The following PHTF2 variants were observed in gnomAD, a reference collection of about 807,000 sequenced individuals.
PHTF2 encodes putative homeodomain transcription factor 2.
A neutral mutation model predicts 101.2 loss-of-function variants in PHTF2; 60 were observed. The ratio of observed to expected loss-of-function variants is 0.59; its 90% confidence interval spans 0.48 to 0.73. The LOEUF is 0.73. Ranked by LOEUF, PHTF2 falls within the 30% of genes least tolerant of loss-of-function variation. The probability of loss-of-function intolerance (pLI) is 0.00; values close to 1 mark genes in which losing one functional copy is unlikely to be tolerated. For synonymous variants in PHTF2, 311 were observed against 307.3 expected, an observed-to-expected ratio of 1.01 and a Z score of -0.13; for missense variants, 747 against 908.7, an observed-to-expected ratio of 0.82 and a Z score of 2.29.
chr7:77,936,676 A>T (rs1312525002), intron 12 of PHTF2, among the ~76,000 whole-genome samples: 1 of 144,430 alleles, frequency 6.9e-6, no homozygotes, highest in Non-Finnish European at 1.5e-5. Flanking sequence ...TCCGTCTCAA[A>T]AAACAAAATG....
At chr7:77,882,442 C>T (rs1269791628) in intron 3 of PHTF2, among the ~76,000 whole-genome samples, 6 of 151,720 alleles carry the variant, frequency 4.0e-5, no homozygotes, top group South Asian at 2.1e-4. Context: ...AATTATATTC[C>T]GATAATGATT....
chr7:77,825,415 G>C (rs1211830662), intron 1 of PHTF2, among the ~76,000 whole-genome samples: 2 of 152,176 alleles, frequency 1.3e-5, no homozygotes, highest in Admixed American at 1.3e-4. Flanking sequence ...AAATCCTTGA[G>C]AAGACCCTAC....
intron 3 of PHTF2, among the ~76,000 whole-genome samples, chr7:77,881,394 T>C (rs956885995): frequency 5.9e-5 from 9 of 152,180 alleles, no homozygotes; most frequent in African/African-American, 2.2e-4. Flanking sequence ...CCTTAGGTGA[T>C]CAAATTGACC....
intron 2 of PHTF2, among the ~76,000 whole-genome samples, chr7:77,853,189 AAGTC>A (rs1438350153): frequency 6.6e-6 from 1 of 151,844 alleles, no homozygotes; most frequent in Non-Finnish European, 1.5e-5. Context: ...CTCCTTTTTA[AAGTC>A]AGTAACTCTT....
chr7:77,950,231 T>C (rs1475510865), intron 17 of PHTF2, among the ~76,000 whole-genome samples: 1 of 152,226 alleles, frequency 6.6e-6, no homozygotes, highest in Non-Finnish European at 1.5e-5. Flanking sequence ...CTCCCGCCAC[T>C]TTATAGGAAT....
chr7:77,937,796 A>C (rs1805278756), exon 13 of PHTF2: 2 of 1,552,098 alleles, frequency 1.3e-6, no homozygotes, highest in African/African-American at 1.4e-5. Flanking sequence ...GTAAGAAAGC[A>C]GACATGTCTG....
At chr7:77,805,439 C>T (rs979354742) in intron 1 of PHTF2, among the ~76,000 whole-genome samples, 1 of 152,092 alleles carries the variant, frequency 6.6e-6, no homozygotes, top group Non-Finnish European at 1.5e-5. Context: ...TTTGTTTCTA[C>T]TGTTTATTTT....
At chr7:77,920,830 C>A (rs1476780757) in intron 10 of PHTF2, among the ~76,000 whole-genome samples, 1 of 152,008 alleles carries the variant, frequency 6.6e-6, no homozygotes, top group African/African-American at 2.4e-5. Context: ...TACAGGCATG[C>A]GCCACCATGC....
chr7:77,896,129 C>T (rs761805943), intron 5 of PHTF2: 5 of 152,024 alleles, frequency 3.3e-5, no homozygotes, highest in Non-Finnish European at 5.9e-5. Flanking sequence ...CTTAGAACCA[C>T]TGAATTATAG....
At chr7:77,853,547 C>T (rs1489137642) in intron 2 of PHTF2, among the ~76,000 whole-genome samples, 1 of 152,006 alleles carries the variant, frequency 6.6e-6, no homozygotes, top group African/African-American at 2.4e-5. Flanking sequence ...GTGTGCACCA[C>T]CATGCCCAGC....
chr7:77,816,432 G>C (rs1793861138), intron 1 of PHTF2, among the ~76,000 whole-genome samples: 1 of 152,002 alleles, frequency 6.6e-6, no homozygotes, highest in African/African-American at 2.4e-5. Flanking sequence ...ACAGATACAT[G>C]TTTCATTTTG....
intron 2 of PHTF2, among the ~76,000 whole-genome samples, chr7:77,854,121 G>A (rs1796979386): frequency 6.6e-6 from 1 of 152,290 alleles, no homozygotes; most frequent in East Asian, 1.9e-4. Flanking sequence ...ATTTAGTTTT[G>A]TGATCTAAAT....
At chr7:77,932,796 ATC>A (rs1804730530) in intron 12 of PHTF2, among the ~76,000 whole-genome samples, 1 of 152,164 alleles carries the variant, frequency 6.6e-6, no homozygotes, top group Non-Finnish European at 1.5e-5. Flanking sequence ...TTGTTACTAT[ATC>A]TGACATTTAA....
intron 1 of PHTF2, among the ~76,000 whole-genome samples, chr7:77,830,083 GT>G (rs1233099170): frequency 6.6e-6 from 1 of 152,162 alleles, no homozygotes; most frequent in Non-Finnish European, 1.5e-5. Context: ...TAGGCGAAAA[GT>G]TTTAGGAAAA....
intron 7 of PHTF2, 102 bp from the exon 7 acceptor site, chr7:77,908,691 G>A: frequency 1.4e-6 from 1 of 707,352 alleles, no homozygotes; most frequent in Non-Finnish European, 2.2e-6. Context: ...TTTAAATTTA[G>A]AAAAATATTT....
intron 6 of PHTF2, among the ~76,000 whole-genome samples, chr7:77,901,273 AT>A (rs1801366785): frequency 6.6e-6 from 1 of 152,246 alleles, no homozygotes; most frequent in Non-Finnish European, 1.5e-5. Context: ...CTGTCTGTCT[AT>A]CTTTTTAGAA....
intron 1 of PHTF2, among the ~76,000 whole-genome samples, chr7:77,812,719 A>C (rs991550384): frequency 2.6e-5 from 4 of 151,856 alleles, no homozygotes; most frequent in Non-Finnish European, 5.9e-5. Context: ...CCTCCCAAGT[A>C]GCTGGGACTA....
chr7:77,935,517 G>A (rs1805044175), intron 12 of PHTF2, among the ~76,000 whole-genome samples: 1 of 152,144 alleles, frequency 6.6e-6, no homozygotes, highest in East Asian at 1.9e-4. Flanking sequence ...GAGCCACCGC[G>A]CCCGGCGTAA....
rs1807036209 is a variant in PHTF2 at position 77,957,229 on chromosome 7, TG to T, written c.*2352del. 2 of 151,674 alleles carry T rather than the reference TG, an allele frequency of 1.3e-5. No individual in the cohort carries two copies. Among genetic ancestry groups the T allele is most frequent in the African/African-American group, 2.4e-5 (1 of 41,376 alleles). The allele number at this position is 151,674 out of a possible 1,614,324, so 9.4% of individuals were successfully genotyped here. A position where few individuals can be genotyped will look rare whatever the true frequency, so the allele number is the denominator to read the frequency against. On this transcript the variant is annotated 3_prime_UTR_variant, in exon 20 of 20. Transcript: ENST00000416283. ...AAATAAAACATTCTGTGACTGACGG[TG>T]TTTTTTTTTTTAATTTTCAGGTCAT...
Sources: gnomAD v4.1 joint callset for allele counts (sites outside exome capture counted in the v4.1 genomes callset) on GRCh38, gnomAD v4.1.1 for gene constraint, MANE v1.5 for transcripts, NCBI Gene and HGNC (gene_info 2026-07-23, HGNC 2026-07-21) for gene names.